Variants in CNTN5 observed in about 807,000 individuals in gnomAD.
CNTN5 encodes the protein contactin 5.
Under a neutral mutation model 129.1 loss-of-function variants are expected in CNTN5, and 77 were observed. The observed-to-expected ratio is 0.60, with a 90% CI of 0.50 to 0.72. CNTN5 has a LOEUF of 0.72. Ranked by LOEUF, CNTN5 falls within the 30% of genes least tolerant of loss-of-function variation. CNTN5 has a pLI of 0.00. For synonymous variants in CNTN5, 509 were observed against 465.6 expected (o/e 1.09, Z -1.20); for missense variants, 1,478 against 1,328.8 (o/e 1.11, Z -1.75).
chr11:99,841,599 A>G (rs1947494057), intron 4 of CNTN5, among the ~76,000 whole-genome samples: 1 of 150,516 alleles, frequency 6.6e-6, no homozygotes, highest in South Asian at 2.1e-4. Flanking sequence ...GAGGAGGAAA[A>G]GAAGCAGCAG....
intron 2 of CNTN5, among the ~76,000 whole-genome samples, chr11:99,357,652 G>C (rs1414991582): frequency 6.6e-6 from 1 of 151,984 alleles, no homozygotes; most frequent in African/African-American, 2.4e-5. Flanking sequence ...AGTGAGTTTT[G>C]GCTCACTTGT....
At chr11:100,173,190 C>A (rs1308706824) in intron 13 of CNTN5, among the ~76,000 whole-genome samples, 1 of 152,056 alleles carries the variant, frequency 6.6e-6, no homozygotes, top group Non-Finnish European at 1.5e-5. Context: ...CATAGCATTG[C>A]CTTCCCCATT....
chr11:99,449,179 G>A lies in CNTN5; in HGVS notation c.-70-106966G>A, dbSNP rs558191418. Among the ~76,000 whole-genome samples, 4 of 152,212 alleles carry A rather than the reference G, an allele frequency of 2.6e-5. No homozygotes were observed. In the South Asian group the frequency reaches 6.2e-4, roughly 24 times the overall value. ...AATAAAAAACTACTCGTTTCTTTAA[G>A]GAACTTCCAATTGTTCAATAAACTT... On this transcript the variant is annotated intron_variant, in intron 2 of 24. Transcript: ENST00000524871.
intron 8 of CNTN5, among the ~76,000 whole-genome samples, chr11:99,988,942 G>A (rs1222636354): frequency 1.3e-5 from 2 of 151,900 alleles, no homozygotes; most frequent in Non-Finnish European, 2.9e-5. Context: ...GTGCCTCACT[G>A]CCTCCTTTCA....
chr11:100,343,992 A>AG (rs1952223948), intron 23 of CNTN5, among the ~76,000 whole-genome samples: 1 of 152,110 alleles, frequency 6.6e-6, no homozygotes, highest in African/African-American at 2.4e-5. Flanking sequence ...ACTTGCCCCT[A>AG]GGATTCTTGG....
intron 9 of CNTN5, among the ~76,000 whole-genome samples, chr11:100,041,505 A>G (rs905274031): frequency 1.3e-5 from 2 of 152,182 alleles, no homozygotes; most frequent in Non-Finnish European, 2.9e-5. Context: ...GCTACTTTCA[A>G]ACTTACTCTT....
At chr11:99,105,278 C>T (rs1297347704) in intron 1 of CNTN5, among the ~76,000 whole-genome samples, 2 of 151,730 alleles carry the variant, frequency 1.3e-5, no homozygotes, top group African/African-American at 2.4e-5. Flanking sequence ...CTATAGTAAC[C>T]AAAAGCATAA....
At chr11:99,270,546 T>C (rs1450846313) in intron 1 of CNTN5, among the ~76,000 whole-genome samples, 1 of 151,884 alleles carries the variant, frequency 6.6e-6, no homozygotes, top group Non-Finnish European at 1.5e-5. Context: ...TGAATGAGTC[T>C]TTTTTCTCGA....
At chr11:99,247,577 CATT>C (rs1245131655) in intron 1 of CNTN5, among the ~76,000 whole-genome samples, 1 of 151,930 alleles carries the variant, frequency 6.6e-6, no homozygotes, top group Non-Finnish European at 1.5e-5. Context: ...CGTCATTTAA[CATT>C]AGGTATATCT....
intron 13 of CNTN5, among the ~76,000 whole-genome samples, chr11:100,179,485 A>G (rs1036525908): frequency 6.6e-6 from 1 of 152,146 alleles, no homozygotes; most frequent in Admixed American, 6.6e-5. Flanking sequence ...CATTAGGTTG[A>G]ACCAAGTAAA....
chr11:99,966,740 G>T (rs1039471132), intron 8 of CNTN5, among the ~76,000 whole-genome samples: 6 of 152,096 alleles, frequency 3.9e-5, no homozygotes, highest in Non-Finnish European at 7.4e-5. Flanking sequence ...CACAGCCCTA[G>T]CACACATTTC....
rs1328976055 is a variant in CNTN5, at chr11:99,792,594, T to TGTCA, written c.56-26947_56-26946insAGTC. Among the ~76,000 whole-genome samples the TGTCA allele has an allele frequency of 2.0e-5, 3 of 150,462 alleles. No individual in the cohort carries two copies. The South Asian group carries it at 6.5e-4, about 33-fold the overall frequency. ...GTGTGTGTCTGTCTGTCTGTCTGTCTGTCTGCAAGGTTTTGGTATTAAGAT... is the reference window on the plus strand; with the variant it reads ...GTGTGTGTCTGTCTGTCTGTCTGTCTGTCAGTCTGCAAGGTTTTGGTATTAAGAT... On this transcript the variant is annotated intron_variant, in intron 3 of 24. Transcript: ENST00000524871.
At chr11:99,832,721 C>A (rs78127828) in intron 4 of CNTN5, among the ~76,000 whole-genome samples, 1 of 152,080 alleles carries the variant, frequency 6.6e-6, no homozygotes, top group Non-Finnish European at 1.5e-5. Context: ...GTTAACACTT[C>A]AAAATTTCTT....
chr11:99,815,033 G>A (rs912019507), intron 3 of CNTN5, among the ~76,000 whole-genome samples: 1 of 140,794 alleles, frequency 7.1e-6, no homozygotes, highest in Non-Finnish European at 1.6e-5. Context: ...AGAACAGCAC[G>A]GGGGAAACTG....
intron 17 of CNTN5, among the ~76,000 whole-genome samples, chr11:100,267,067 A>C (rs952159180): frequency 6.6e-6 from 1 of 152,126 alleles, no homozygotes; most frequent in African/African-American, 2.4e-5. Context: ...CTATGGGGGA[A>C]AATAAATTAA....
chr11:100,107,008 C>T (rs909611036), intron 13 of CNTN5, among the ~76,000 whole-genome samples: 1 of 152,164 alleles, frequency 6.6e-6, no homozygotes, highest in Non-Finnish European at 1.5e-5. Flanking sequence ...ATATTAACTA[C>T]AGTCATACCT....
At chr11:99,496,204 C>G (rs1358570251) in intron 2 of CNTN5, among the ~76,000 whole-genome samples, 1 of 152,068 alleles carries the variant, frequency 6.6e-6, no homozygotes, top group African/African-American at 2.4e-5. Context: ...GTGACGAGGA[C>G]TGAGGTCACA....
intron 2 of CNTN5, among the ~76,000 whole-genome samples, chr11:99,379,546 G>A (rs910497743): frequency 3.9e-5 from 6 of 152,108 alleles, no homozygotes; most frequent in African/African-American, 1.2e-4. Flanking sequence ...TTCTGACCCA[G>A]AGAAAACACT....
chr11:99,932,529 A>G (rs936656303), intron 7 of CNTN5, among the ~76,000 whole-genome samples: 8 of 152,180 alleles, frequency 5.3e-5, no homozygotes, highest in African/African-American at 1.7e-4. Context: ...ACCTTAAAAT[A>G]ACTATAGTAT....
Sources: allele counts gnomAD v4.1 joint callset (sites outside exome capture counted in the v4.1 genomes callset), GRCh38; gene constraint gnomAD v4.1.1; transcripts MANE v1.5; gene names NCBI Gene and HGNC (gene_info 2026-07-23, HGNC 2026-07-21).